The following OTULIN variants were observed in gnomAD, a reference collection of about 807,000 sequenced individuals.
OTULIN encodes OTU deubiquitinase with linear linkage specificity.
OTULIN carries 15 observed loss-of-function variants against 39.6 expected under a neutral mutation model. That is an observed-to-expected ratio of 0.38 (90% confidence interval 0.25 to 0.58). The LOEUF (loss-of-function observed/expected upper bound fraction) is 0.58. Ranked by LOEUF, OTULIN falls within the 20% of genes least tolerant of loss-of-function variation. OTULIN has a pLI of 0.66. For synonymous variants in OTULIN, 156 were observed against 170.3 expected (o/e 0.92, Z 0.65); for missense variants, 319 against 445.9 (o/e 0.72, Z 2.56).
chr5:14,678,714 T>C lies in OTULIN; in HGVS notation c.263T>C (p.Ile88Thr). The C allele has an allele frequency of 6.2e-7, 1 of 1,605,870 alleles. No individual in the cohort carries two copies. Among genetic ancestry groups the C allele is most frequent in the South Asian group, 1.1e-5 (1 of 88,364 alleles). Residue 88 changes from isoleucine (I) to threonine (T), a missense_variant, in exon 3 of 7, where the codon ATC (isoleucine) becomes ACC (threonine). This residue lies in a region of OTULIN where 132 missense variants were observed against 143.7 expected (regional missense o/e 0.92). Coordinates refer to ENST00000284274, the MANE Select transcript of OTULIN (RefSeq NM_138348.6). ...TTAAGCGTAGCTCCTGAAATGGATATCATGGACTACTGCAAAAAAGAATGG... is the reference window on the plus strand; with the variant it reads ...TTAAGCGTAGCTCCTGAAATGGATACCATGGACTACTGCAAAAAAGAATGG... Reference protein sequence around the residue: ...PRLSVAPEMDIMDYCKKEWRG... With the variant: ...PRLSVAPEMDTMDYCKKEWRG...
the OTULIN span, chr5:14,710,711 G>A: frequency 2.2e-5 from 4 of 179,206 alleles, no homozygotes; most frequent in African/African-American, 7.1e-5. Context: ...AGAGGCCACC[G>A]GGGCTCCATC....
the OTULIN span, chr5:14,711,168 T>C: frequency 6.5e-7 from 1 of 1,540,686 alleles, no homozygotes; most frequent in Middle Eastern, 1.7e-4. Context: ...TGACTGACTG[T>C]CCCTGCAGTG....
chr5:14,664,726 C>A lies in OTULIN; in HGVS notation c.-100C>A, dbSNP rs995872956. On this transcript the variant is annotated 5_prime_UTR_variant, in exon 1 of 7. Transcript: ENST00000284274. ...GCGCTCTGCGGGCCCTCGGAAACCG[C>A]CCCGGCGGCTGAGAGGCTGCGGCCA... 7.5e-6 allele frequency: 8 copies of A among 1,069,220 alleles called. No homozygotes were observed. In the African/African-American group the frequency reaches 1.0e-4, roughly 14 times the overall value. 66.2% of individuals were successfully genotyped at this position (1,069,220 alleles called of 1,614,324 possible).
rs148664240 is a variant in OTULIN at position 14,694,727 on chromosome 5, T to C, written c.*1679T>C. ...ATTGATTAGAGTGTTGAAATCAAAT[T>C]CTGCTCTAAATGTGTGTGAATATGT... On this transcript the variant is annotated 3_prime_UTR_variant, in exon 7 of 7. Transcript: ENST00000284274. The C allele has an allele frequency of 1.7e-3, 267 of 152,760 alleles. 1 individual carries two copies. The highest frequency in any genetic ancestry group is 5.9e-3 in the African/African-American group (245 of 41,576). 9.5% of individuals were successfully genotyped at this position (152,760 alleles called of 1,614,324 possible).
the OTULIN span, chr5:14,710,846 G>A: frequency 1.1e-5 from 4 of 351,234 alleles, no homozygotes; most frequent in East Asian, 7.3e-5. Context: ...ACCGAGGCGC[G>A]ATGGCACAGC....
chr5:14,677,593 A>G (rs1200219425), intron 2 of OTULIN, among the ~76,000 whole-genome samples: 2 of 152,240 alleles, frequency 1.3e-5, no homozygotes, highest in African/African-American at 4.8e-5. Flanking sequence ...CATATATATT[A>G]AACTAGGGAA....
intron 1 of OTULIN, among the ~76,000 whole-genome samples, chr5:14,671,375 A>C (rs1735974238): frequency 6.6e-6 from 1 of 152,222 alleles, no homozygotes; most frequent in Non-Finnish European, 1.5e-5. Context: ...CTCATTTTGA[A>C]GATGAGAAAA....
the OTULIN span, among the ~76,000 whole-genome samples, chr5:14,713,984 G>A: frequency 3.9e-5 from 6 of 152,258 alleles, no homozygotes; most frequent in East Asian, 1.2e-3. This position sits in a 1 kb window ranked among gnomAD's most constrained non-coding sequence, Gnocchi z 4.4. Context: ...CACTTGGCCA[G>A]CCTCGCCCTC....
downstream of OTULIN, among the ~76,000 whole-genome samples, chr5:14,703,486 G>A (rs1736853656): frequency 6.6e-6 from 1 of 152,142 alleles, no homozygotes; most frequent in African/African-American, 2.4e-5. Context: ...GATACCAGGG[G>A]GCAGGGCTTG....
intron 2 of OTULIN, among the ~76,000 whole-genome samples, chr5:14,676,240 C>G (rs1016270257): frequency 6.6e-6 from 1 of 152,218 alleles, no homozygotes; most frequent in Non-Finnish European, 1.5e-5. Flanking sequence ...TTCAACTTCC[C>G]TATTTTTCTA....
At chr5:14,689,025 T>C (rs1019823409) in intron 5 of OTULIN, among the ~76,000 whole-genome samples, 1 of 152,192 alleles carries the variant, frequency 6.6e-6, no homozygotes, top group African/African-American at 2.4e-5. Flanking sequence ...TAAAATTTCA[T>C]GTGTTATTTA....
the OTULIN span, chr5:14,707,482 TGA>T: frequency 6.6e-6 from 1 of 152,154 alleles, no homozygotes; most frequent in Non-Finnish European, 1.5e-5. Flanking sequence ...GAATAAATTT[TGA>T]GAGTTACGAT....
intron 1 of OTULIN, among the ~76,000 whole-genome samples, chr5:14,672,848 G>A (rs1736012532): frequency 6.6e-6 from 1 of 152,198 alleles, no homozygotes; most frequent in South Asian, 2.1e-4. Flanking sequence ...TTTCATGAAA[G>A]ATAGAATTTG....
chr5:14,666,723 G>T (rs1445561195), intron 1 of OTULIN, among the ~76,000 whole-genome samples: 1 of 152,102 alleles, frequency 6.6e-6, no homozygotes, highest in African/African-American at 2.4e-5. Flanking sequence ...TCATAAGATG[G>T]GGCAGAACAA....
At chr5:14,700,241 G>A (rs1736769327), downstream of OTULIN, among the ~76,000 whole-genome samples, 1 of 152,318 alleles carries the variant, frequency 6.6e-6, no homozygotes, top group South Asian at 2.1e-4. Context: ...GGACCAAGGG[G>A]TGTTAGAGAT....
chr5:14,714,314 G>C, the OTULIN span, among the ~76,000 whole-genome samples: 2,289 of 152,346 alleles, frequency 0.015, 67 homozygotes, highest in African/African-American at 0.052. Flanking sequence ...CTGAGCTGCA[G>C]GAGGGCCATG....
the OTULIN span, chr5:14,711,111 A>T: frequency 8.3e-7 from 1 of 1,205,428 alleles, no homozygotes; most frequent in Non-Finnish European, 1.2e-6. Flanking sequence ...AAAAAAAGGG[A>T]ACAAAATACG....
rs1358508743 is a variant in OTULIN, at chr5:14,695,242, G to C, written c.*2194G>C. The C allele has an allele frequency of 6.6e-6, 1 of 152,226 alleles. No homozygotes were observed. The highest frequency in any genetic ancestry group is 2.4e-5 in the African/African-American group (1 of 41,466). 9.4% of individuals were successfully genotyped at this position (152,226 alleles called of 1,614,324 possible). The stretch of plus-strand genomic sequence containing the variant: ...CAAATAAATAGTACTTCAGGAAATA[G>C]AAATGATTGACCAACTTTAAAAATA... On this transcript the variant is annotated 3_prime_UTR_variant, in exon 7 of 7. Coordinates refer to ENST00000284274, the MANE Select transcript of OTULIN (RefSeq NM_138348.6).
At chr5:14,675,165 T>C (rs1173120459) in intron 2 of OTULIN, among the ~76,000 whole-genome samples, 8 of 152,226 alleles carry the variant, frequency 5.3e-5, no homozygotes, top group Non-Finnish European at 1.0e-4. Context: ...ATACATGTTA[T>C]AACAAGTTAG....
Sources: allele counts gnomAD v4.1 joint callset (sites outside exome capture counted in the v4.1 genomes callset), GRCh38; gene constraint gnomAD v4.1.1; regional missense constraint gnomAD v4.1.1; non-coding constraint Gnocchi (gnomAD v3.1); transcripts MANE v1.5; gene names NCBI Gene and HGNC (gene_info 2026-07-23, HGNC 2026-07-21).